P3H2: variants seen among roughly 807,000 people sequenced by gnomAD.
The protein encoded by P3H2 is prolyl 3-hydroxylase 2, also known as leprecan-like 1.
A neutral mutation model predicts 87.0 loss-of-function variants in P3H2; 80 were observed. The ratio of observed to expected loss-of-function variants is 0.92; its 90% CI spans 0.77 to 1.11. The LOEUF (loss-of-function observed/expected upper bound fraction) is 1.11. Among genes scored for constraint, P3H2 ranks in the 50% least tolerant of loss-of-function variants. The pLI, the probability that P3H2 is intolerant of heterozygous loss-of-function variation, is 0.00. For synonymous variants in P3H2, 367 were observed against 359.3 expected (o/e 1.02, Z -0.24); for missense variants, 1,001 against 923.9 (o/e 1.08, Z -1.08).
At position 190,089,258 on chromosome 3, in the gene P3H2, C is replaced by T. The variant is rs563333591; in HGVS notation, c.480+30994G>A. Among the ~76,000 whole-genome samples, 160 of 152,274 alleles carry T rather than the reference C, an allele frequency of 1.1e-3. 1 individual carries two copies. The highest frequency in any genetic ancestry group is 3.5e-3 in the South Asian group (17 of 4,818). On this transcript the variant is annotated intron_variant, in intron 1 of 14. Coordinates refer to ENST00000319332, the MANE Select transcript of P3H2 (RefSeq NM_018192.4). The stretch of plus-strand genomic sequence containing the variant: ...CGGGGAGGGATAGCATTAGGAGATA[C>T]ACCTAATGTAAATGACGAGTTAATG...
At chr3:190,089,477 G>T (rs1405033095) in intron 1 of P3H2, among the ~76,000 whole-genome samples, 1 of 152,210 alleles carries the variant, frequency 6.6e-6, no homozygotes, top group African/African-American at 2.4e-5. Flanking sequence ...TACATGTCCA[G>T]AGACTAGCTC....
chr3:190,001,489 T>A (rs182475812), intron 1 of P3H2, among the ~76,000 whole-genome samples: 14 of 152,362 alleles, frequency 9.2e-5, no homozygotes, highest in Admixed American at 8.5e-4. Context: ...TACATTTTAA[T>A]GAAGTGCTAT....
At chr3:189,973,406 G>A (rs1363413505) in intron 10 of P3H2, among the ~76,000 whole-genome samples, 1 of 151,600 alleles carries the variant, frequency 6.6e-6, no homozygotes, top group Non-Finnish European at 1.5e-5. Context: ...GTTGATGGCT[G>A]AACGGAGGAA....
At chr3:190,068,747 G>T (rs972853081) in intron 1 of P3H2, among the ~76,000 whole-genome samples, 1 of 152,026 alleles carries the variant, frequency 6.6e-6, no homozygotes, top group Non-Finnish European at 1.5e-5. Flanking sequence ...AAGAGTTACC[G>T]ATTTTTCTCG....
Position 189,983,121 on chromosome 3 carries a change from C to T in P3H2, c.1249G>A (p.Val417Ile), listed in dbSNP as rs750251743. 57 of 1,613,614 alleles carry T rather than the reference C, an allele frequency of 3.5e-5. No homozygotes were observed. The highest frequency in any genetic ancestry group is 1.6e-4 in the Middle Eastern group (1 of 6,084). The change falls in exon 8 of 15, where the codon GTA becomes ATA. Residue 417 changes from valine (V) to isoleucine (I), a missense_variant. Transcript: ENST00000319332. ...DENRVPSGVN[V>I]EGAEVHGFSM... ...AATCCATGAACTTCTGCTCCCTCTA[C>T]GTTCACTCCTGAAGGGACCCTGCCC... is the stretch of plus-strand genomic sequence containing the variant.
intron 1 of P3H2, among the ~76,000 whole-genome samples, chr3:190,076,912 T>A (rs1206842618): frequency 6.6e-6 from 1 of 152,198 alleles, no homozygotes; most frequent in Admixed American, 6.5e-5. Flanking sequence ...TCCAGCTTAG[T>A]CTTTTGGAGG....
At chr3:190,014,895 G>T (rs981437690) in intron 1 of P3H2, among the ~76,000 whole-genome samples, 1 of 152,184 alleles carries the variant, frequency 6.6e-6, no homozygotes, top group African/African-American at 2.4e-5. Context: ...TCAGAAGAGA[G>T]GAATTCTAGT....
In P3H2 at chr3:190,082,235, G is replaced by A. The variant is rs76256393; in HGVS notation, c.480+38017C>T. On this transcript the variant is annotated intron_variant, in intron 1 of 14. Transcript: ENST00000319332. ...CACGCCTCTGCACTCCAGCCTGAGTGACAGAACAACATTCTGCCTCAAAAA... is the reference window on the plus strand; with the variant it reads ...CACGCCTCTGCACTCCAGCCTGAGTAACAGAACAACATTCTGCCTCAAAAA... 9.6e-3 allele frequency among the ~76,000 whole-genome samples: 1,469 copies of A among 152,230 alleles called. 14 individuals carry two copies. The highest frequency in any genetic ancestry group is 0.031 in the South Asian group (151 of 4,822).
chr3:189,979,239 C>A (rs1272399818), intron 8 of P3H2, among the ~76,000 whole-genome samples: 1 of 150,204 alleles, frequency 6.7e-6, no homozygotes, highest in Admixed American at 6.7e-5. Context: ...GCCTGGGCAA[C>A]ACAGTGAAAC....
Position 189,957,517 on chromosome 3 carries a change from T to C in P3H2, c.*395A>G, listed in dbSNP as rs1031338266. On this transcript the variant is annotated 3_prime_UTR_variant, in exon 15 of 15. Transcript: ENST00000319332. ...GGTGAACTGGGCTTTGATAGATACA[T>C]GAAATGATGAAAAACCAAGAAAGAG... 8 of 390,070 alleles carry C rather than the reference T, an allele frequency of 2.1e-5. No individual in the cohort carries two copies. In the Admixed American group the frequency reaches 2.6e-4, roughly 13 times the overall value. 24.2% of individuals were successfully genotyped at this position (390,070 alleles called of 1,614,324 possible). A position where few individuals can be genotyped will look rare whatever the true frequency, so the allele number is the denominator to read the frequency against.
upstream of P3H2, among the ~76,000 whole-genome samples, chr3:190,121,351 GAATA>G (rs960130908): frequency 1.5e-4 from 23 of 149,702 alleles, no homozygotes; most frequent in East Asian, 5.9e-4. Context: ...AAAAAAAAAA[GAATA>G]AATAAATAAA....
intron 1 of P3H2, among the ~76,000 whole-genome samples, chr3:190,096,846 C>T (rs1484695791): frequency 6.6e-6 from 1 of 152,156 alleles, no homozygotes; most frequent in Non-Finnish European, 1.5e-5. Context: ...AAGATAAAGA[C>T]AGCATCATGA....
At chr3:190,045,843 C>T (rs372207041) in intron 1 of P3H2, among the ~76,000 whole-genome samples, 256 of 152,152 alleles carry the variant, frequency 1.7e-3, no homozygotes, top group South Asian at 3.9e-3. Context: ...AAACCTAGGC[C>T]GGGCACGGTG....
At chr3:190,060,366 A>G (rs763321309) in intron 1 of P3H2, among the ~76,000 whole-genome samples, 1 of 152,162 alleles carries the variant, frequency 6.6e-6, no homozygotes, top group Non-Finnish European at 1.5e-5. Context: ...AAGTCCGCCA[A>G]TTTTCTGGAG....
chr3:190,041,002 G>A (rs1725589517), intron 1 of P3H2, among the ~76,000 whole-genome samples: 1 of 110,126 alleles, frequency 9.1e-6, no homozygotes, highest in Non-Finnish European at 2.0e-5. Context: ...TGGGCAACAT[G>A]GCAAAACCAT....
intron 3 of P3H2, 59 bp downstream of exon 3, chr3:189,994,035 A>G: frequency 7.6e-7 from 1 of 1,323,374 alleles, no homozygotes; most frequent in Non-Finnish European, 1.1e-6. Flanking sequence ...GTTTTTTACA[A>G]ATTGCAAGTA....
chr3:190,090,500 G>A (rs963249469), intron 1 of P3H2, among the ~76,000 whole-genome samples: 1 of 152,104 alleles, frequency 6.6e-6, no homozygotes, highest in Non-Finnish European at 1.5e-5. Context: ...TCAGGAGATC[G>A]AGATCATCCT....
At chr3:190,085,782 A>T (rs1727193831) in intron 1 of P3H2, among the ~76,000 whole-genome samples, 1 of 152,166 alleles carries the variant, frequency 6.6e-6, no homozygotes, top group African/African-American at 2.4e-5. Flanking sequence ...TAGATCAAAA[A>T]ATCATGGCAT....
Position 189,973,789 on chromosome 3 carries a change from G to T in P3H2, c.1548+120C>A, listed in dbSNP as rs983225611. On this transcript the variant is annotated intron_variant, in intron 10 of 14. Transcript: ENST00000319332. ...TCTGCCTGCCTCAGCCTCCCAAAGT[G>T]CTGGGATTACAGGCGTGAGCCACTG... is the stretch of plus-strand genomic sequence containing the variant. 10 of 794,552 alleles carry T rather than the reference G, an allele frequency of 1.3e-5. No homozygotes were observed. The South Asian group carries it at 1.3e-4, about 11-fold the overall frequency. The allele number at this position is 794,552 out of a possible 1,614,324, so 49.2% of individuals were successfully genotyped here.
Sources: allele counts gnomAD v4.1 joint callset (sites outside exome capture counted in the v4.1 genomes callset), GRCh38; gene constraint gnomAD v4.1.1; transcripts MANE v1.5; gene names NCBI Gene and HGNC (gene_info 2026-07-23, HGNC 2026-07-21).